The following NOP9 variants were observed in gnomAD, a reference collection of about 807,000 sequenced individuals.
The protein encoded by NOP9 is NOP9 nucleolar protein, also known as nucleolar protein 9.
NOP9 carries 50 observed loss-of-function variants against 63.0 expected under a neutral mutation model. That is an observed-to-expected ratio of 0.79 (90% CI 0.63 to 1.00). The LOEUF (loss-of-function observed/expected upper bound fraction) is 1.00. NOP9 is among the 50% of genes least tolerant of loss of function. The pLI is 0.00. For synonymous variants in NOP9, 343 were observed against 332.8 expected (o/e 1.03, Z -0.33); for missense variants, 758 against 803.0 (o/e 0.94, Z 0.68).
At chr14:24,283,700 G>C in the NOP9 span, among the ~76,000 whole-genome samples, 3 of 152,242 alleles carry the variant, frequency 2.0e-5, no homozygotes, top group African/African-American at 7.2e-5. Context: ...CTGAGGCTTT[G>C]CTAACCCCCT....
chr14:24,288,255 G>A, the NOP9 span, among the ~76,000 whole-genome samples: 1 of 152,274 alleles, frequency 6.6e-6, no homozygotes. Context: ...TGTGGGCGGG[G>A]GCCTGGTCTG....
upstream of NOP9, chr14:24,298,802 G>T: frequency 9.9e-7 from 1 of 1,012,070 alleles, no homozygotes; most frequent in Non-Finnish European, 1.3e-6. Flanking sequence ...CTTACCTGAA[G>T]TTATTTACGG....
chr14:24,277,864 G>A, the NOP9 span, among the ~76,000 whole-genome samples: 1 of 152,150 alleles, frequency 6.6e-6, no homozygotes, highest in Admixed American at 6.5e-5. Context: ...GGCAACTCAG[G>A]CCAGATGGTC....
chr14:24,294,057 C>T, the NOP9 span: 2 of 151,776 alleles, frequency 1.3e-5, no homozygotes, highest in South Asian at 2.1e-4. Flanking sequence ...GTCTCTGCCT[C>T]GTTTATTATT....
In NOP9 at chr14:24,305,252, G is replaced by C; in HGVS notation, c.*157G>C. The stretch of plus-strand genomic sequence containing the variant: ...GTTAGTTTGAGGGGAAGGGTATGAA[G>C]ACAGATCTCAAGGTAAAGTCAGAGA... On this transcript the variant is annotated 3_prime_UTR_variant, in exon 10 of 10. Coordinates refer to ENST00000267425, the MANE Select transcript of NOP9 (RefSeq NM_174913.3). 294 of 777,046 alleles carry C rather than the reference G, an allele frequency of 3.8e-4. No homozygotes were observed. Among genetic ancestry groups the C allele is most frequent in the Middle Eastern group, 7.7e-4 (2 of 2,584 alleles). The allele number at this position is 777,046 out of a possible 1,614,324, so 48.1% of individuals were successfully genotyped here.
upstream of NOP9, among the ~76,000 whole-genome samples, chr14:24,295,296 T>A (rs775972907): frequency 6.6e-6 from 1 of 152,160 alleles, no homozygotes; most frequent in Non-Finnish European, 1.5e-5. Context: ...ATTATACTGG[T>A]CTTCAGATTT....
At position 24,307,670 on chromosome 14, in the gene NOP9, G is replaced by T; in HGVS notation, c.*2575G>T. The T allele has an allele frequency of 8.4e-7, 1 of 1,194,898 alleles. No individual in the cohort carries two copies. Among genetic ancestry groups the T allele is most frequent in the Non-Finnish European group, 1.2e-6 (1 of 830,934 alleles). 74.0% of individuals were successfully genotyped at this position (1,194,898 alleles called of 1,614,324 possible). A position where few individuals can be genotyped will look rare whatever the true frequency, so the allele number is the denominator to read the frequency against. On this transcript the variant is annotated 3_prime_UTR_variant, in exon 10 of 10. Coordinates refer to ENST00000267425, the MANE Select transcript of NOP9 (RefSeq NM_174913.3). The stretch of plus-strand genomic sequence containing the variant: ...GAGACCATGGAGTGCAGGTGGGGGC[G>T]GGTGGCTCAGGAGCTTGACAAGCCC...
chr14:24,305,154 T>C lies in NOP9; in HGVS notation c.*59T>C. 7.3e-7 allele frequency: 1 copy of C among 1,361,268 alleles called. No homozygotes were observed. Among genetic ancestry groups the C allele is most frequent in the Non-Finnish European group, 9.6e-7 (1 of 1,040,686 alleles). The allele number at this position is 1,361,268 out of a possible 1,614,324, so 84.3% of individuals were successfully genotyped here. On this transcript the variant is annotated 3_prime_UTR_variant, in exon 10 of 10. Transcript: ENST00000267425. Reference sequence around the variant, plus strand: ...AGGGCAAAATGGGGTATCCACCCCATCCCTTTCCTGGTTTAAATTGGAGTC... The same window carrying C: ...AGGGCAAAATGGGGTATCCACCCCACCCCTTTCCTGGTTTAAATTGGAGTC...
chr14:24,289,777 T>C, the NOP9 span, among the ~76,000 whole-genome samples: 3 of 152,184 alleles, frequency 2.0e-5, no homozygotes, highest in African/African-American at 7.2e-5. Context: ...ATGAAATCAC[T>C]GAATGAGGAC....
the NOP9 span, among the ~76,000 whole-genome samples, chr14:24,290,333 A>G: frequency 6.6e-6 from 1 of 152,250 alleles, no homozygotes; most frequent in African/African-American, 2.4e-5. Context: ...GCTAGAAGGT[A>G]GCAGGCATCC....
the NOP9 span, among the ~76,000 whole-genome samples, chr14:24,290,020 C>G: frequency 0.4 from 60,853 of 152,190 alleles, 13,304 homozygotes; most frequent in Middle Eastern, 0.58. Flanking sequence ...CTAGGCTGTC[C>G]GGTGGAAGGT....
Position 24,299,962 on chromosome 14 carries a change from A to G in NOP9, c.8A>G (p.Gln3Arg), listed in dbSNP as rs1411826239. The G allele has an allele frequency of 6.4e-6, 10 of 1,557,640 alleles. No individual in the cohort carries two copies. Among genetic ancestry groups the G allele is most frequent in the East Asian group, 2.3e-5 (1 of 44,246 alleles). MG[Q>R]GPRSPHKVGR... Reference sequence around the variant, plus strand: ...ACAGGTCGCGAAGCACACATGGGGCAGGGTCCGCGCTCTCCACACAAGGTG... The same window carrying G: ...ACAGGTCGCGAAGCACACATGGGGCGGGGTCCGCGCTCTCCACACAAGGTG... The change falls in exon 1 of 10, where the codon CAG becomes CGG. Residue 3 changes from glutamine to arginine, a missense_variant. Physicochemically the swap from Gln to Arg is conservative, Grantham distance 43 (BLOSUM62 1). Transcript: ENST00000267425.
intron 7 of NOP9, 82 bp from the exon 8 acceptor site, chr14:24,303,959 G>A: frequency 6.3e-7 from 1 of 1,581,380 alleles, no homozygotes; most frequent in African/African-American, 1.3e-5. Flanking sequence ...ACTTCATCCA[G>A]GTGGAGGTGG....
rs764417992 is a variant in NOP9 at position 24,303,718 on chromosome 14, G to A, written c.1285-14G>A. The A allele has an allele frequency of 5.6e-6, 9 of 1,609,826 alleles. No individual in the cohort carries two copies. The highest frequency in any genetic ancestry group is 2.2e-5 in the South Asian group (2 of 91,020). ...GAAGTTCTCAGGTTCATCATATTCTGTCTTCTCCTTTAGGCATTCCACTGT... is the reference window on the plus strand; with the variant it reads ...GAAGTTCTCAGGTTCATCATATTCTATCTTCTCCTTTAGGCATTCCACTGT... On this transcript the variant is annotated splice_polypyrimidine_tract_variant and intron_variant, in intron 6 of 9. Transcript: ENST00000267425.
rs1386643548 is a variant in NOP9, at chr14:24,305,136, A to G, written c.*41A>G. On this transcript the variant is annotated 3_prime_UTR_variant, in exon 10 of 10. Transcript: ENST00000267425. ...ACTGGGTGTTGATGGGGGAGGGCAAAATGGGGTATCCACCCCATCCCTTTC... is the reference window on the plus strand; with the variant it reads ...ACTGGGTGTTGATGGGGGAGGGCAAGATGGGGTATCCACCCCATCCCTTTC... 2 of 1,411,666 alleles carry G rather than the reference A, an allele frequency of 1.4e-6. No homozygotes were observed. Among genetic ancestry groups the G allele is most frequent in the East Asian group, 5.5e-5 (2 of 36,176 alleles). The allele number at this position is 1,411,666 out of a possible 1,614,324, so 87.4% of individuals were successfully genotyped here.
chr14:24,304,953 A>G lies in NOP9; in HGVS notation c.1769A>G (p.Glu590Gly), dbSNP rs531657896. 2 of 1,552,568 alleles carry G rather than the reference A, an allele frequency of 1.3e-6. No homozygotes were observed. Among genetic ancestry groups the G allele is most frequent in the South Asian group, 1.2e-5 (1 of 81,530 alleles). ...CCCTTTGCAGGGGAGCAGAACCAGG[A>G]GCTGATAAGAGACCCTTTCGGCCAC... ...IAAELGEQNQ[E>G]LIRDPFGHHV... is the part of the protein sequence containing the mutation. The change falls in exon 10 of 10, where the codon GAG (glutamate) becomes GGG (glycine). Residue 590 changes from glutamate to glycine, a missense_variant. Transcript: ENST00000267425.
chr14:24,304,444 A>C (rs779062139), intron 8 of NOP9, 49 bp from the exon 9 acceptor site: 2 of 1,500,498 alleles, frequency 1.3e-6, no homozygotes, highest in South Asian at 1.2e-5. Flanking sequence ...CCTCCAAAAT[A>C]CTTTTGTGGA....
rs1385745032 is a variant in NOP9, at chr14:24,306,535, C to T, written c.*1440C>T. 1 of 1,614,106 alleles carries T rather than the reference C, an allele frequency of 6.2e-7. No homozygotes were observed. The highest frequency in any genetic ancestry group is 1.3e-5 in the African/African-American group (1 of 74,948). On this transcript the variant is annotated 3_prime_UTR_variant, in exon 10 of 10. Transcript: ENST00000267425. ...AGGGTCTCCAATGCCTGCCCAATGG[C>T]AAGAAGCAAGAAGGGCAGGTCTTAT...
chr14:24,304,867 A>T (rs1275504254), intron 9 of NOP9, 71 bp from the exon 10 acceptor site: 2 of 1,457,672 alleles, frequency 1.4e-6, no homozygotes, highest in Non-Finnish European at 1.8e-6. Flanking sequence ...GGGGAAATGG[A>T]GGGATCTTTA....
Sources: gnomAD v4.1 joint callset for allele counts (sites outside exome capture counted in the v4.1 genomes callset) on GRCh38, gnomAD v4.1.1 for gene constraint, MANE v1.5 for transcripts, NCBI Gene and HGNC (gene_info 2026-07-23, HGNC 2026-07-21) for gene names.